The following ASB1 variants were observed in gnomAD, a reference collection of about 807,000 sequenced individuals.
The protein encoded by ASB1 is ankyrin repeat and SOCS box containing 1, also known as ankyrin repeat and SOCS box protein 1.
A neutral mutation model predicts 27.7 loss-of-function variants in ASB1; 18 were observed. The observed-to-expected ratio is 0.65, with a 90% CI of 0.45 to 0.96. The LOEUF (loss-of-function observed/expected upper bound fraction) is 0.96. ASB1 is among the 50% of genes least tolerant of loss of function. The pLI, the probability that ASB1 is intolerant of heterozygous loss-of-function variation, is 0.00. For synonymous variants in ASB1, 189 were observed against 187.6 expected (o/e 1.01, Z -0.06); for missense variants, 397 against 451.7 (o/e 0.88, Z 1.10).
intron 4 of ASB1, 105 bp downstream of exon 4, chr2:238,444,832 A>G (rs1386990163): frequency 3.8e-6 from 5 of 1,307,622 alleles, no homozygotes; most frequent in East Asian, 2.5e-5. Flanking sequence ...CACTTGGCCA[A>G]AATCTTCAGT....
At chr2:238,442,681 T>C (rs1702101464) in intron 3 of ASB1, among the ~76,000 whole-genome samples, 2 of 152,244 alleles carry the variant, frequency 1.3e-5, no homozygotes, top group African/African-American at 4.8e-5. Flanking sequence ...TTTCATATTT[T>C]ACGTTTTAAG....
intron 3 of ASB1, among the ~76,000 whole-genome samples, chr2:238,438,199 ATT>A (rs57391955): frequency 2.0e-5 from 2 of 98,192 alleles, no homozygotes; most frequent in Non-Finnish European, 1.9e-5. Context: ...GATGCCCTTC[ATT>A]TTTTTTTTTT....
intron 3 of ASB1, among the ~76,000 whole-genome samples, chr2:238,438,562 A>G (rs927750544): frequency 2.6e-5 from 4 of 152,222 alleles, no homozygotes; most frequent in African/African-American, 4.8e-5. Flanking sequence ...AGCACGGGAC[A>G]TTACTTTCAC....
At position 238,450,013 on chromosome 2, in the gene ASB1, T is replaced by C. The variant is rs537453046; in HGVS notation, c.*3502T>C. 1.4e-4 allele frequency: 22 copies of C among 152,420 alleles called. No homozygotes were observed. The highest frequency in any genetic ancestry group is 3.1e-4 in the Non-Finnish European group (21 of 68,070). 9.4% of individuals were successfully genotyped at this position (152,420 alleles called of 1,614,324 possible). A position where few individuals can be genotyped will look rare whatever the true frequency, so the allele number is the denominator to read the frequency against. On this transcript the variant is annotated 3_prime_UTR_variant, in exon 5 of 5. Transcript: ENST00000264607. Reference sequence around the variant, plus strand: ...CACTTCAGACAGGGACAAGGCTTCCTGCTGTGCCTTTCTGGCAGGGTTTTG... The same window carrying C: ...CACTTCAGACAGGGACAAGGCTTCCCGCTGTGCCTTTCTGGCAGGGTTTTG...
chr2:238,445,005 A>G (rs757071131), intron 4 of ASB1, among the ~76,000 whole-genome samples: 78 of 123,886 alleles, frequency 6.3e-4, no homozygotes, highest in Admixed American at 1.2e-3. Context: ...TTTTTGAGGC[A>G]GGGTCTGGTT....
chr2:238,444,495 G>T lies in ASB1; in HGVS notation c.648G>T (p.Ala216=), dbSNP rs1231346421. 6.2e-7 allele frequency: 1 copy of T among 1,614,146 alleles called. No individual in the cohort carries two copies. The highest frequency in any genetic ancestry group is 8.5e-7 in the Non-Finnish European group (1 of 1,180,024). Residue 216 remains alanine (A), a synonymous_variant, in exon 4 of 5, where the codon GCG becomes GCT. Transcript: ENST00000264607. ...QCFRLLLLAG[A]NPDFNCNGPV... is the part of the protein sequence containing the mutation. ...TCCGGCTGCTCCTCCTGGCTGGCGC[G>T]AACCCTGACTTCAACTGCAATGGTC...
rs754771955 is a variant in ASB1, at chr2:238,435,740, G to A, written c.221G>A (p.Cys74Tyr). Reference protein sequence around the residue: ...SRINEKSVWCCGWLPCTPLRI... With the variant: ...SRINEKSVWCYGWLPCTPLRI... ...ATCAACGAGAAGTCTGTCTGGTGCT[G>A]TGGCTGGCTCCCCTGCACACCGTTG... The change falls in exon 3 of 5, where the codon TGT becomes TAT. Residue 74 changes from cysteine (C) to tyrosine (Y), a missense_variant. Physicochemically the swap from Cys to Tyr is radical, Grantham distance 194 (BLOSUM62 -2). Transcript: ENST00000264607. 2 of 1,613,850 alleles carry A rather than the reference G, an allele frequency of 1.2e-6. No homozygotes were observed. The highest frequency in any genetic ancestry group is 1.7e-6 in the Non-Finnish European group (2 of 1,179,940).
chr2:238,435,968 A>G lies in ASB1; in HGVS notation c.449A>G (p.His150Arg). 1 of 1,613,698 alleles carries G rather than the reference A, an allele frequency of 6.2e-7. No homozygotes were observed. The highest frequency in any genetic ancestry group is 8.5e-7 in the Non-Finnish European group (1 of 1,179,966). ...SRHHRSTPVY[H>R]ASRVGRADIL... is the part of the protein sequence containing the mutation. ...CACCATCGCAGCACCCCTGTCTACCACGCCTCTCGCGTGGGCCGGGCAGAC... is the reference window on the plus strand; with the variant it reads ...CACCATCGCAGCACCCCTGTCTACCGCGCCTCTCGCGTGGGCCGGGCAGAC... The change falls in exon 3 of 5, where the codon CAC becomes CGC. Residue 150 changes from histidine to arginine, a missense_variant. Physicochemically the swap from His to Arg is conservative, Grantham distance 29. Coordinates refer to ENST00000264607, the MANE Select transcript of ASB1 (RefSeq NM_001040445.3).
chr2:238,436,063 C>T (rs1701966261), intron 3 of ASB1, 50 bp downstream of exon 3: 2 of 1,479,894 alleles, frequency 1.4e-6, no homozygotes, highest in Non-Finnish European at 1.8e-6. Flanking sequence ...TATTTTTCTT[C>T]TCTGTATTTT....
At chr2:238,437,305 C>A (rs1451469097) in intron 3 of ASB1, among the ~76,000 whole-genome samples, 1 of 152,046 alleles carries the variant, frequency 6.6e-6, no homozygotes, top group East Asian at 1.9e-4. Flanking sequence ...GATCTTGGCT[C>A]ACTGCAACCT....
intron 1 of ASB1, among the ~76,000 whole-genome samples, chr2:238,432,828 A>G (rs536854955): frequency 3.3e-5 from 5 of 151,964 alleles, no homozygotes; most frequent in Non-Finnish European, 5.9e-5. Context: ...GCTTACTGCA[A>G]CATCTGCCTC....
In ASB1 at chr2:238,444,548, G is replaced by T. The variant is rs1329759757; in HGVS notation, c.701G>T (p.Gly234Val). Residue 234 changes from glycine (G) to valine (V), a missense_variant, in exon 4 of 5, where the codon GGC (glycine) becomes GTC (valine). Gly to Val is a moderately radical substitution (Grantham distance 109). Coordinates refer to ENST00000264607, the MANE Select transcript of ASB1 (RefSeq NM_001040445.3). Reference sequence around the variant, plus strand: ...GTCAACACACAGGGATTCTACAGGGGCTCCCCTGGGTGCGTCATGGATGCT... The same window carrying T: ...GTCAACACACAGGGATTCTACAGGGTCTCCCCTGGGTGCGTCATGGATGCT... ...GPVNTQGFYR[G>V]SPGCVMDAVL... is the part of the protein sequence containing the mutation. The T allele has an allele frequency of 2.5e-6, 4 of 1,614,086 alleles. No homozygotes were observed. Among genetic ancestry groups the T allele is most frequent in the Non-Finnish European group, 3.4e-6 (4 of 1,180,048 alleles).
rs1000352995 is a variant in ASB1, at chr2:238,447,649, T to G, written c.*1138T>G. 1.7e-4 allele frequency: 26 copies of G among 152,394 alleles called. No homozygotes were observed. The highest frequency in any genetic ancestry group is 5.5e-4 in the African/African-American group (23 of 41,598). The allele number at this position is 152,394 out of a possible 1,614,324, so 9.4% of individuals were successfully genotyped here. ...AGAGCCCTCCCAGGTTGCTGCTGTT[T>G]CCAGTGAATCACATTTCGTCATTTG... On this transcript the variant is annotated 3_prime_UTR_variant, in exon 5 of 5. Transcript: ENST00000264607.
chr2:238,429,790 T>C (rs1354162504), intron 1 of ASB1, among the ~76,000 whole-genome samples: 1 of 151,938 alleles, frequency 6.6e-6, no homozygotes, highest in African/African-American at 2.4e-5. Context: ...CACAAAAAAT[T>C]AGCCAGGTGT....
At chr2:238,443,065 T>A (rs1702109798) in intron 3 of ASB1, among the ~76,000 whole-genome samples, 1 of 152,232 alleles carries the variant, frequency 6.6e-6, no homozygotes, top group Admixed American at 6.5e-5. Context: ...CCGGGGATGC[T>A]ATTTTTATTT....
In ASB1 at chr2:238,444,444, C is replaced by T. The variant is rs200359447; in HGVS notation, c.597C>T (p.Ser199=). ...TSLVVCPLYI[S]AAYHNLQCFR... is the part of the protein sequence containing the mutation. ...TGGTGGTCTGCCCCTTGTACATCAGCGCAGCCTACCACAACCTCCAGTGCT... is the reference window on the plus strand; with the variant it reads ...TGGTGGTCTGCCCCTTGTACATCAGTGCAGCCTACCACAACCTCCAGTGCT... The change falls in exon 4 of 5, where the codon AGC becomes AGT. Residue 199 remains serine, a synonymous_variant. Transcript: ENST00000264607. The T allele has an allele frequency of 2.8e-5, 45 of 1,614,064 alleles. No homozygotes were observed. The highest frequency in any genetic ancestry group is 1.6e-4 in the African/African-American group (12 of 74,932).
chr2:238,440,289 C>T (rs948389728), intron 3 of ASB1, among the ~76,000 whole-genome samples: 1 of 152,188 alleles, frequency 6.6e-6, no homozygotes, highest in Non-Finnish European at 1.5e-5. Flanking sequence ...TTCATGCCCT[C>T]CTATTGGACC....
In ASB1 at chr2:238,435,814, C is replaced by T. The variant is rs1468903748; in HGVS notation, c.295C>T (p.Arg99Trp). Residue 99 changes from arginine to tryptophan, a missense_variant, in exon 3 of 5, where the codon CGG becomes TGG. By Grantham distance (101) the Arg-to-Trp change is moderately radical. Coordinates refer to ENST00000264607, the MANE Select transcript of ASB1 (RefSeq NM_001040445.3). ...TGGGAGCTGTGTGGACTTCCTCATC[C>T]GGAAGGGGGCCGAGGTGGATCTGGT... is the stretch of plus-strand genomic sequence containing the variant. ...GHGSCVDFLI[R>W]KGAEVDLVDV... 3.7e-6 allele frequency: 6 copies of T among 1,614,118 alleles called. No homozygotes were observed. Among genetic ancestry groups the T allele is most frequent in the African/African-American group, 2.7e-5 (2 of 74,944 alleles).
At chr2:238,431,038 G>T (rs2106402244) in intron 1 of ASB1, among the ~76,000 whole-genome samples, 1 of 152,378 alleles carries the variant, frequency 6.6e-6, no homozygotes, top group East Asian at 1.9e-4. Flanking sequence ...ACGAGAGTCA[G>T]CTTGTCCTTT....
Sources: allele counts gnomAD v4.1 joint callset (sites outside exome capture counted in the v4.1 genomes callset), GRCh38; gene constraint gnomAD v4.1.1; transcripts MANE v1.5; gene names NCBI Gene and HGNC (gene_info 2026-07-23, HGNC 2026-07-21).